Variants in F5 observed in about 807,000 individuals in gnomAD.
The protein encoded by F5 is coagulation factor V.
A neutral mutation model predicts 216.4 loss-of-function variants in F5; 138 were observed. The observed-to-expected ratio is 0.64, with a 90% CI of 0.56 to 0.73. The LOEUF (loss-of-function observed/expected upper bound fraction) is 0.73, where lower values mean the gene tolerates loss of function less well. Ranked by LOEUF, F5 falls within the 30% of genes least tolerant of loss-of-function variation. F5 has a pLI of 0.00. For missense variants in F5, 2,403 were observed against 2,674.0 expected (o/e 0.90, Z 2.24); for synonymous variants, 916 against 930.7 (o/e 0.98, Z 0.29).
chr1:169,514,635 A>G (rs935904601), intron 24 of F5, among the ~76,000 whole-genome samples, 176 bp from the exon 25 acceptor site: 1 of 152,022 alleles, frequency 6.6e-6, no homozygotes, highest in African/African-American at 2.4e-5. Context: ...TCAGCCTTCC[A>G]AAGTGCTGGC....
At chr1:169,524,790 C>T (rs1659396946) in intron 19 of F5, 47 bp downstream of exon 19, 1 of 1,470,010 alleles carries the variant, frequency 6.8e-7, no homozygotes. Flanking sequence ...CTGCATGCTG[C>T]ACAACTGTAG....
chr1:169,543,125 G>C lies in F5; in HGVS notation c.1976-11C>G. ...TTAACATCCAAGTTCCTACAGAAGA[G>C]AGACAGACAGAAGAGAGATCTGGAA... On this transcript the variant is annotated splice_polypyrimidine_tract_variant and intron_variant, in intron 12 of 24. Coordinates refer to ENST00000367797, the MANE Select transcript of F5 (RefSeq NM_000130.5). 1 of 1,611,010 alleles carries C rather than the reference G, an allele frequency of 6.2e-7. No homozygotes were observed. Among genetic ancestry groups the C allele is most frequent in the Non-Finnish European group, 8.5e-7 (1 of 1,178,432 alleles).
In F5 at chr1:169,556,546, G is replaced by A. The variant is rs780577089; in HGVS notation, c.952+100C>T. On this transcript the variant is annotated intron_variant, in intron 6 of 24. Transcript: ENST00000367797. The stretch of plus-strand genomic sequence containing the variant: ...TAGGAACTGAGGAAAGTTTGTCTGC[G>A]GTGCAGGTGGCTTGAAAGGGCAAGG... 5.3e-5 allele frequency: 58 copies of A among 1,085,666 alleles called. No individual in the cohort carries two copies. The Middle Eastern group carries it at 6.2e-4, about 12-fold the overall frequency. 67.3% of individuals were successfully genotyped at this position (1,085,666 alleles called of 1,614,324 possible).
At chr1:169,529,945 G>A (rs575884635) in intron 15 of F5, 127 bp from the exon 16 acceptor site, 16 of 748,986 alleles carry the variant, frequency 2.1e-5, no homozygotes, top group African/African-American at 2.1e-4. Flanking sequence ...GATTATAAAT[G>A]AATGGCATAA....
chr1:169,540,916 G>T lies in F5; in HGVS notation c.4174C>A (p.Pro1392Thr), dbSNP rs768300712. ...TNLSPDLSEM[P>T]LFADLSQIPL... The stretch of plus-strand genomic sequence containing the variant: ...ATTTGACTGAGATCTGCAAAGAGGG[G>T]CATCTCACTGAGGTCTGGGGAAAGG... Residue 1392 changes from proline to threonine, a missense_variant, in exon 13 of 25, where the codon CCC becomes ACC. Transcript: ENST00000367797. 1.9e-6 allele frequency: 3 copies of T among 1,611,634 alleles called. No homozygotes were observed. Among genetic ancestry groups the T allele is most frequent in the Admixed American group, 1.7e-5 (1 of 59,346 alleles).
intron 23 of F5, 141 bp downstream of exon 23, chr1:169,518,271 T>C (rs773715598): frequency 2.3e-5 from 22 of 954,762 alleles, no homozygotes; most frequent in Non-Finnish European, 3.4e-5. Context: ...ACAGACATCC[T>C]GGACTCTTGG....
rs1659494140 is a variant in F5, at chr1:169,527,786, C to T, written c.5599+129G>A. 7.4e-6 allele frequency: 9 copies of T among 1,220,600 alleles called. No homozygotes were observed. In the Admixed American group the frequency reaches 1.4e-4, roughly 19 times the overall value. 75.6% of individuals were successfully genotyped at this position (1,220,600 alleles called of 1,614,324 possible). ...CTTTGGGTCTATGGGTTTGCCTAGG[C>T]TCTATGCCAGAACCCTGTGTTCTGA... On this transcript the variant is annotated intron_variant, in intron 17 of 24. Coordinates refer to ENST00000367797, the MANE Select transcript of F5 (RefSeq NM_000130.5).
At chr1:169,549,053 G>GT (rs893588148) in intron 10 of F5, among the ~76,000 whole-genome samples, 6 of 152,132 alleles carry the variant, frequency 3.9e-5, no homozygotes, top group African/African-American at 1.4e-4. Flanking sequence ...TCTACTACCT[G>GT]TTTCCTTTCC....
At chr1:169,550,842 T>C in intron 8 of F5, 103 bp from the exon 9 acceptor site, 18 of 821,350 alleles carry the variant, frequency 2.2e-5, no homozygotes, top group Non-Finnish European at 3.3e-5. Flanking sequence ...TGTGTGTGTA[T>C]ACATGTGTAC....
chr1:169,521,813 G>T (rs976649112), intron 21 of F5, among the ~76,000 whole-genome samples: 1 of 151,680 alleles, frequency 6.6e-6, no homozygotes, highest in Non-Finnish European at 1.5e-5. Flanking sequence ...TAGAGAGGGG[G>T]TTTCACCATG....
intron 22 of F5, among the ~76,000 whole-genome samples, chr1:169,519,952 C>T (rs1659255044): frequency 6.6e-6 from 1 of 152,132 alleles, no homozygotes; most frequent in Non-Finnish European, 1.5e-5. Flanking sequence ...TTTATGATTA[C>T]CTGGATTTAT....
At chr1:169,565,262 G>T (rs1478844656) in intron 3 of F5, among the ~76,000 whole-genome samples, 1 of 151,918 alleles carries the variant, frequency 6.6e-6, no homozygotes, top group Non-Finnish European at 1.5e-5. Flanking sequence ...GTAATTAAAT[G>T]CCTGTGAGAT....
rs1659244351 is a variant in F5 at position 169,519,606 on chromosome 1, G to A, written c.6193+914C>T. 2.6e-5 allele frequency among the ~76,000 whole-genome samples: 4 copies of A among 152,222 alleles called. No homozygotes were observed. In the South Asian group the frequency reaches 8.3e-4, roughly 32 times the overall value. Reference sequence around the variant, plus strand: ...TGCTTCAACAGGAAACTGATTCCAGGTTTCAGCTACTTTCTCCATTGTGAA... The same window carrying A: ...TGCTTCAACAGGAAACTGATTCCAGATTTCAGCTACTTTCTCCATTGTGAA... On this transcript the variant is annotated intron_variant, in intron 22 of 24. Transcript: ENST00000367797.
At chr1:169,577,574 T>C (rs1454332117) in intron 2 of F5, among the ~76,000 whole-genome samples, 1 of 101,594 alleles carries the variant, frequency 9.8e-6, no homozygotes. Flanking sequence ...TATATATATA[T>C]ATATATATAT....
chr1:169,522,686 G>A (rs1469837390), intron 21 of F5, among the ~76,000 whole-genome samples: 30 of 152,194 alleles, frequency 2.0e-4, no homozygotes, highest in Non-Finnish European at 1.0e-4. Flanking sequence ...GCTTATGGCT[G>A]AGCCCCTGGA....
chr1:169,530,779 T>TTGA lies in F5; in HGVS notation c.5208+6_5208+7insTCA. On this transcript the variant is annotated splice_region_variant and intron_variant, in intron 15 of 24. Transcript: ENST00000367797. ...GAATGAGAAAAACTTTCAATGAAAG[T>TTGA]ACCTACTGGGTTCACAGCTGAGTAG... The TTGA allele has an allele frequency of 6.2e-7, 1 of 1,612,318 alleles. No homozygotes were observed. Among genetic ancestry groups the TTGA allele is most frequent in the Non-Finnish European group, 8.5e-7 (1 of 1,178,396 alleles).
At chr1:169,526,995 A>G (rs1282456284) in intron 17 of F5, among the ~76,000 whole-genome samples, 1 of 152,130 alleles carries the variant, frequency 6.6e-6, no homozygotes, top group Non-Finnish European at 1.5e-5. Context: ...TAATCAAACC[A>G]GTCCATTTGG....
rs1170810991 is a variant in F5, at chr1:169,513,510, G to C, written c.*803C>G. Among the ~76,000 whole-genome samples the C allele has an allele frequency of 6.6e-6, 1 of 152,124 alleles. No homozygotes were observed. The highest frequency in any genetic ancestry group is 2.4e-5 in the African/African-American group (1 of 41,428). ...TAACTGCTTGCCAGTTTGGCCAGAG[G>C]TCTCTTTGAGCAGGAACAACTGCAT... On this transcript the variant is annotated 3_prime_UTR_variant, in exon 25 of 25. Transcript: ENST00000367797.
rs1659546524 is a variant in F5 at position 169,529,732 on chromosome 1, G to A, written c.5295C>T (p.Asp1765=). 1 of 1,613,752 alleles carries A rather than the reference G, an allele frequency of 6.2e-7. No individual in the cohort carries two copies. Among genetic ancestry groups the A allele is most frequent in the Non-Finnish European group, 8.5e-7 (1 of 1,179,774 alleles). Residue 1765 remains aspartate (D), a synonymous_variant, in exon 16 of 25, where the codon GAC becomes GAT. Transcript: ENST00000367797. ...TAAATAGTAAGACAAATTCTCTCAT[G>A]TCCATAGGCATGTTGCTGTCCTTAT... ...ILHKDSNMPM[D]MREFVLLFMT...
Sources: allele counts gnomAD v4.1 joint callset (sites outside exome capture counted in the v4.1 genomes callset), GRCh38; gene constraint gnomAD v4.1.1; transcripts MANE v1.5; gene names NCBI Gene and HGNC (gene_info 2026-07-23, HGNC 2026-07-21).